Variants in NPFFR1 observed in about 807,000 individuals in gnomAD.
NPFFR1 encodes the protein neuropeptide FF receptor 1, also known as G-protein coupled receptor 147.
NPFFR1 carries 17 observed loss-of-function variants against 12.7 expected under a neutral mutation model. The observed-to-expected ratio is 1.34, with a 90% CI of 0.92 to 2.01. The LOEUF (loss-of-function observed/expected upper bound fraction) is 2.01. Among genes scored for constraint, NPFFR1 ranks in the 30% most tolerant of loss-of-function variants. The pLI is 0.00. For synonymous variants in NPFFR1, 296 were observed against 264.5 expected, an observed-to-expected ratio of 1.12 and a Z score of -1.16; for missense variants, 604 against 606.5, an observed-to-expected ratio of 1.00 and a Z score of 0.04.
At chr10:70,260,563 C>T in intron 3 of NPFFR1, 77 bp downstream of exon 3, 1 of 1,288,492 alleles carries the variant, frequency 7.8e-7, no homozygotes, top group Admixed American at 2.0e-5. Context: ...CCAGCCAACC[C>T]AGCATTAGAG....
intron 2 of NPFFR1, among the ~76,000 whole-genome samples, chr10:70,261,316 C>T (rs1840631123): frequency 6.6e-6 from 1 of 152,186 alleles, no homozygotes; most frequent in South Asian, 2.1e-4. Flanking sequence ...GCTTCCCCTT[C>T]CACCATGATT....
In NPFFR1 at chr10:70,248,660, AT is replaced by A. The variant is rs1243118936; in HGVS notation, c.*6296del. On this transcript the variant is annotated 3_prime_UTR_variant, in exon 4 of 4. Transcript: ENST00000277942. ...GCCATCATGCTTGGCTAATTTTTGT[AT>A]TTTTAATAGAGATGGGGTTTCACCA... 2 of 150,994 alleles carry A rather than the reference AT, an allele frequency of 1.3e-5. No homozygotes were observed. Among genetic ancestry groups the A allele is most frequent in the Non-Finnish European group, 3.0e-5 (2 of 67,784 alleles). 9.4% of individuals were successfully genotyped at this position (150,994 alleles called of 1,614,324 possible). A position where few individuals can be genotyped will look rare whatever the true frequency, so the allele number is the denominator to read the frequency against.
At chr10:70,257,949 T>C (rs1313231249) in intron 3 of NPFFR1, among the ~76,000 whole-genome samples, 1 of 152,192 alleles carries the variant, frequency 6.6e-6, no homozygotes, top group Non-Finnish European at 1.5e-5. Context: ...ATAGATTCTA[T>C]TGCTCACAGG....
chr10:70,252,837 C>T lies in NPFFR1; in HGVS notation c.*2120G>A, dbSNP rs948454927. 6.6e-6 allele frequency: 1 copy of T among 152,226 alleles called. No homozygotes were observed. The highest frequency in any genetic ancestry group is 1.9e-4 in the East Asian group (1 of 5,170). 9.4% of individuals were successfully genotyped at this position (152,226 alleles called of 1,614,324 possible). On this transcript the variant is annotated 3_prime_UTR_variant, in exon 4 of 4. Transcript: ENST00000277942. ...GAGTACTTTGGTATCCCTACCCGCC[C>T]CCAGCCTCAAATGCTGATCTTGTAC...
rs530226405 is a variant in NPFFR1 at position 70,278,155 on chromosome 10, C to G, written c.7+5515G>C. Among the ~76,000 whole-genome samples the G allele has an allele frequency of 5.3e-5, 8 of 152,228 alleles. No individual in the cohort carries two copies. The South Asian group carries it at 1.7e-3, about 32-fold the overall frequency. On this transcript the variant is annotated intron_variant, in intron 1 of 3. Transcript: ENST00000277942. Reference sequence around the variant, plus strand: ...GTTGTCTTACTGCAACCTTCCCTCACCAGTCCCAATTCTGCTCCCAGGAGC... The same window carrying G: ...GTTGTCTTACTGCAACCTTCCCTCAGCAGTCCCAATTCTGCTCCCAGGAGC...
In NPFFR1 at chr10:70,253,466, T is replaced by G. The variant is rs1397674306; in HGVS notation, c.*1491A>C. On this transcript the variant is annotated 3_prime_UTR_variant, in exon 4 of 4. Coordinates refer to ENST00000277942, the MANE Select transcript of NPFFR1 (RefSeq NM_022146.5). ...GAAACTTGGCCCCTTTGAGCTTCAGTCACTTTGTGAAATGACAATAACATT... is the reference window on the plus strand; with the variant it reads ...GAAACTTGGCCCCTTTGAGCTTCAGGCACTTTGTGAAATGACAATAACATT... The G allele has an allele frequency of 2.0e-5, 3 of 152,176 alleles. No individual in the cohort carries two copies. The highest frequency in any genetic ancestry group is 6.5e-5 in the Admixed American group (1 of 15,276). 9.4% of individuals were successfully genotyped at this position (152,176 alleles called of 1,614,324 possible). A position where few individuals can be genotyped will look rare whatever the true frequency, so the allele number is the denominator to read the frequency against.
At chr10:70,257,930 A>C (rs112322017) in intron 3 of NPFFR1, among the ~76,000 whole-genome samples, 24,382 of 152,128 alleles carry the variant, frequency 0.16, 2,421 homozygotes, top group South Asian at 0.3. Flanking sequence ...CCTTGAACTT[A>C]ATTATGACAT....
At position 70,250,480 on chromosome 10, in the gene NPFFR1, A is replaced by C. The variant is rs916601127; in HGVS notation, c.*4477T>G. On this transcript the variant is annotated 3_prime_UTR_variant, in exon 4 of 4. Coordinates refer to ENST00000277942, the MANE Select transcript of NPFFR1 (RefSeq NM_022146.5). Reference sequence around the variant, plus strand: ...TGGCAACATTATTAATAATAGCCAAAAACTGGTGACAACCAAATGTCTATC... The same window carrying C: ...TGGCAACATTATTAATAATAGCCAACAACTGGTGACAACCAAATGTCTATC... The C allele has an allele frequency of 6.6e-6, 1 of 152,268 alleles. No individual in the cohort carries two copies. Among genetic ancestry groups the C allele is most frequent in the Non-Finnish European group, 1.5e-5 (1 of 68,046 alleles). 9.4% of individuals were successfully genotyped at this position (152,268 alleles called of 1,614,324 possible).
At chr10:70,263,568 C>T (rs557080675) in intron 2 of NPFFR1, among the ~76,000 whole-genome samples, 4 of 152,230 alleles carry the variant, frequency 2.6e-5, no homozygotes, top group Non-Finnish European at 4.4e-5. Flanking sequence ...CCACCGCGCC[C>T]GGCCATTCAC....
At chr10:70,268,784 A>G (rs1023171662) in intron 1 of NPFFR1, among the ~76,000 whole-genome samples, 1 of 152,228 alleles carries the variant, frequency 6.6e-6, no homozygotes, top group African/African-American at 2.4e-5. Context: ...CGTCTGTCAC[A>G]TTTTATTGGC....
At chr10:70,258,383 TC>T (rs1163175823) in intron 3 of NPFFR1, among the ~76,000 whole-genome samples, 4 of 151,294 alleles carry the variant, frequency 2.6e-5, no homozygotes, top group East Asian at 1.9e-4. Flanking sequence ...GGTAAAAACC[TC>T]CCCCTGCAGC....
chr10:70,258,675 C>A (rs984240701), intron 3 of NPFFR1, among the ~76,000 whole-genome samples: 27 of 152,120 alleles, frequency 1.8e-4, no homozygotes, highest in African/African-American at 6.3e-4. Flanking sequence ...GCTCCTATTC[C>A]CCAGAATGGC....
rs1380969764 is a variant in NPFFR1, at chr10:70,253,951, A to T, written c.*1006T>A. The T allele has an allele frequency of 1.3e-5, 2 of 152,168 alleles. No individual in the cohort carries two copies. Among genetic ancestry groups the T allele is most frequent in the East Asian group, 3.8e-4 (2 of 5,198 alleles). The allele number at this position is 152,168 out of a possible 1,614,324, so 9.4% of individuals were successfully genotyped here. Reference sequence around the variant, plus strand: ...AAGAGTTTAGTGTGTGTCCTTCAGGAGTCTCCAAATGGCACTCCGGCTGCA... The same window carrying T: ...AAGAGTTTAGTGTGTGTCCTTCAGGTGTCTCCAAATGGCACTCCGGCTGCA... On this transcript the variant is annotated 3_prime_UTR_variant, in exon 4 of 4. Transcript: ENST00000277942.
Position 70,248,485 on chromosome 10 carries a change from G to GTTTTTTTTTTTTTTTTTTT in NPFFR1, c.*6471_*6472insAAAAAAAAAAAAAAAAAAA, listed in dbSNP as rs869052329. The GTTTTTTTTTTTTTTTTTTT allele has an allele frequency of 1.1e-5, 1 of 91,318 alleles. No individual in the cohort carries two copies. Among genetic ancestry groups the GTTTTTTTTTTTTTTTTTTT allele is most frequent in the South Asian group, 3.8e-4 (1 of 2,622 alleles). 5.7% of individuals were successfully genotyped at this position (91,318 alleles called of 1,614,324 possible). On this transcript the variant is annotated 3_prime_UTR_variant, in exon 4 of 4. Transcript: ENST00000277942. ...GCCTGGCGTTTTTTTTTTGTTTTTT[G>GTTTTTTTTTTTTTTTTTTT]TTTTTTTTTTTTTTTTTTGAGATGG... is the stretch of plus-strand genomic sequence containing the variant.
At chr10:70,279,437 G>A (rs562238053) in intron 1 of NPFFR1, among the ~76,000 whole-genome samples, 2 of 152,086 alleles carry the variant, frequency 1.3e-5, no homozygotes, top group South Asian at 4.2e-4. Flanking sequence ...GTGAGCCACT[G>A]CACCCAAACT....
In NPFFR1 at chr10:70,248,481, T is replaced by TTG. The variant is rs1407538998; in HGVS notation, c.*6475_*6476insCA. On this transcript the variant is annotated 3_prime_UTR_variant, in exon 4 of 4. Transcript: ENST00000277942. ...CTATGCCTGGCGTTTTTTTTTTGTT[T>TTG]TTTGTTTTTTTTTTTTTTTTTTGAG... is the stretch of plus-strand genomic sequence containing the variant. The TTG allele has an allele frequency of 1.9e-4, 21 of 109,582 alleles. No individual in the cohort carries two copies. Among genetic ancestry groups the TTG allele is most frequent in the African/African-American group, 7.3e-4 (21 of 28,588 alleles). The allele number at this position is 109,582 out of a possible 1,614,324, so 6.8% of individuals were successfully genotyped here. A position where few individuals can be genotyped will look rare whatever the true frequency, so the allele number is the denominator to read the frequency against.
Position 70,266,175 on chromosome 10 carries a change from T to A in NPFFR1, c.224A>T (p.His75Leu), listed in dbSNP as rs751638548. The A allele has an allele frequency of 6.2e-7, 1 of 1,614,028 alleles. No homozygotes were observed. Among genetic ancestry groups the A allele is most frequent in the East Asian group, 2.2e-5 (1 of 44,884 alleles). Residue 75 changes from histidine to leucine, a missense_variant, in exon 2 of 4, where the codon CAT (histidine) becomes CTT (leucine). Transcript: ENST00000277942. ...CFIVLKNRHM[H>L]TVTNMFILNL... ...GAGGATGAACATGTTGGTGACAGTA[T>A]GCATGTGCCGGTTCTTGAGCACGAT...
Position 70,255,941 on chromosome 10 carries a change from A to G in NPFFR1, c.423-114T>C. 8.5e-7 allele frequency: 1 copy of G among 1,180,372 alleles called. No individual in the cohort carries two copies. The highest frequency in any genetic ancestry group is 1.2e-6 in the Non-Finnish European group (1 of 844,050). The allele number at this position is 1,180,372 out of a possible 1,614,324, so 73.1% of individuals were successfully genotyped here. ...CATCATCGCATCTAGGGCGGCGTCGAAGAACAGCTCAGACCTGAATTGGCT... is the reference window on the plus strand; with the variant it reads ...CATCATCGCATCTAGGGCGGCGTCGGAGAACAGCTCAGACCTGAATTGGCT... On this transcript the variant is annotated intron_variant, in intron 3 of 3. Coordinates refer to ENST00000277942, the MANE Select transcript of NPFFR1 (RefSeq NM_022146.5). This position sits in a 1 kb window ranked among gnomAD's most constrained non-coding sequence, Gnocchi z 4.2.
intron 1 of NPFFR1, among the ~76,000 whole-genome samples, chr10:70,272,467 G>A (rs1463487238): frequency 2.0e-5 from 3 of 152,224 alleles, no homozygotes; most frequent in African/African-American, 7.2e-5. Context: ...ACCCGCTGAA[G>A]AACACAACAC....
Sources: allele counts gnomAD v4.1 joint callset (sites outside exome capture counted in the v4.1 genomes callset), GRCh38; gene constraint gnomAD v4.1.1; non-coding constraint Gnocchi (gnomAD v3.1); transcripts MANE v1.5; gene names NCBI Gene and HGNC (gene_info 2026-07-23, HGNC 2026-07-21).